The following WWOX variants were observed in gnomAD, a reference collection of about 807,000 sequenced individuals.
The protein encoded by WWOX is WW domain containing oxidoreductase.
WWOX carries 69 observed loss-of-function variants against 46.2 expected under a neutral mutation model. That is an observed-to-expected ratio of 1.49 (90% CI 1.23 to 1.82). The LOEUF (loss-of-function observed/expected upper bound fraction) is 1.82, where lower values mean the gene tolerates loss of function less well. Ranked by LOEUF, WWOX falls within the 40% of genes most tolerant of loss-of-function variation. The pLI is 0.00. For synonymous variants in WWOX, 359 were observed against 202.6 expected (o/e 1.77, Z -6.56); for missense variants, 919 against 542.6 (o/e 1.69, Z -6.89).
chr16:79,076,569 C>G (rs926420253), intron 8 of WWOX, among the ~76,000 whole-genome samples: 1 of 152,230 alleles, frequency 6.6e-6, no homozygotes, highest in Admixed American at 6.5e-5. Context: ...GCTCTGGCCT[C>G]TGGACCTCAG....
intron 8 of WWOX, among the ~76,000 whole-genome samples, chr16:78,938,357 C>T (rs1368188289): frequency 6.6e-6 from 1 of 152,146 alleles, no homozygotes; most frequent in Non-Finnish European, 1.5e-5. Context: ...CCGTGTATAC[C>T]ACTGACAGTG....
intron 8 of WWOX, among the ~76,000 whole-genome samples, chr16:78,567,667 G>A (rs1309761447): frequency 6.6e-6 from 1 of 151,928 alleles, no homozygotes; most frequent in Non-Finnish European, 1.5e-5. Context: ...GCGTAACTAG[G>A]GCAAAGAAGA....
At chr16:78,750,687 C>G (rs1052911626) in intron 8 of WWOX, among the ~76,000 whole-genome samples, 3 of 152,064 alleles carry the variant, frequency 2.0e-5, no homozygotes, top group African/African-American at 7.2e-5. Context: ...TTGTTCCTGT[C>G]TTCATGCCCA....
intron 8 of WWOX, among the ~76,000 whole-genome samples, chr16:78,715,952 A>G (rs993767529): frequency 7.2e-5 from 11 of 152,120 alleles, no homozygotes; most frequent in African/African-American, 1.9e-4. Context: ...AGGGCCTCTA[A>G]CCTAAATGTC....
chr16:78,207,269 C>T (rs190942559), intron 5 of WWOX, among the ~76,000 whole-genome samples: 3 of 152,292 alleles, frequency 2.0e-5, no homozygotes, highest in Admixed American at 2.0e-4. Context: ...GCTGTTTCCT[C>T]ATTTTTAAAT....
rs540386692 is a variant in WWOX, at chr16:78,424,985, C to G, written c.721C>G (p.Gln241Glu). The change falls in exon 7 of 9, where the codon CAG becomes GAG. Residue 241 changes from glutamine to glutamate, a missense_variant. Coordinates refer to ENST00000566780, the MANE Select transcript of WWOX (RefSeq NM_016373.4). Reference sequence around the variant, plus strand: ...TCATCTGGGGCACTTCTACCTTGTCCAGCTCCTCCAGGATGTTTTGTGCCG... The same window carrying G: ...TCATCTGGGGCACTTCTACCTTGTCGAGCTCCTCCAGGATGTTTTGTGCCG... ...VNHLGHFYLV[Q>E]LLQDVLCRSA... 6.8e-6 allele frequency: 11 copies of G among 1,614,118 alleles called. No homozygotes were observed. In the East Asian group the frequency reaches 2.5e-4, roughly 36 times the overall value.
intron 6 of WWOX, among the ~76,000 whole-genome samples, chr16:78,414,735 C>T (rs982373166): frequency 2.6e-5 from 4 of 152,148 alleles, no homozygotes; most frequent in Non-Finnish European, 5.9e-5. Context: ...CTCATCCTAA[C>T]GTGGTGGCCT....
chr16:78,401,752 T>A (rs540539257), intron 6 of WWOX, among the ~76,000 whole-genome samples: 39 of 152,114 alleles, frequency 2.6e-4, no homozygotes, highest in African/African-American at 9.4e-4. Context: ...CAGGCTGGAG[T>A]GTGATGGTGT....
chr16:78,225,245 G>T (rs2037013380), intron 5 of WWOX, among the ~76,000 whole-genome samples: 1 of 152,044 alleles, frequency 6.6e-6, no homozygotes, highest in Admixed American at 6.6e-5. Context: ...AATACAATGG[G>T]ACATATTTGT....
chr16:78,484,954 G>A (rs1350680654), intron 8 of WWOX, among the ~76,000 whole-genome samples: 2 of 152,106 alleles, frequency 1.3e-5, no homozygotes, highest in South Asian at 2.1e-4. Context: ...CTGTGTACCT[G>A]GCAAGGCACG....
intron 8 of WWOX, among the ~76,000 whole-genome samples, chr16:79,200,510 C>T (rs1362441902): frequency 6.6e-6 from 1 of 152,156 alleles, no homozygotes; most frequent in African/African-American, 2.4e-5. Context: ...TAGCCTCTGT[C>T]TCCCCTCCAC....
intron 6 of WWOX, among the ~76,000 whole-genome samples, chr16:78,401,328 C>T (rs894568833): frequency 6.6e-6 from 1 of 152,062 alleles, no homozygotes; most frequent in African/African-American, 2.4e-5. Flanking sequence ...AAATTTTGAA[C>T]CTAATATTTC....
rs1172583922 is a variant in WWOX at position 78,412,963 on chromosome 16, C to T, written c.606-11907C>T. On this transcript the variant is annotated intron_variant, in intron 6 of 8. Transcript: ENST00000566780. The stretch of plus-strand genomic sequence containing the variant: ...CCTCTTTGTTTTCTGCATTTCTTTC[C>T]TTCTGTTCTGATTTTTCCTTACCTG... Among the ~76,000 whole-genome samples the T allele has an allele frequency of 3.9e-5, 6 of 152,190 alleles. 1 individual carries two copies. The highest frequency in any genetic ancestry group is 1.4e-4 in the African/African-American group (6 of 41,516).
intron 8 of WWOX, among the ~76,000 whole-genome samples, chr16:78,954,178 ATGGATGGG>A (rs750386041): frequency 3.3e-5 from 5 of 152,106 alleles, no homozygotes; most frequent in Non-Finnish European, 5.9e-5. Flanking sequence ...TATTCTTTAG[ATGGATGGG>A]TGGATGGATG....
intron 5 of WWOX, among the ~76,000 whole-genome samples, chr16:78,253,099 A>G (rs2038029398): frequency 6.6e-6 from 1 of 152,186 alleles, no homozygotes; most frequent in African/African-American, 2.4e-5. Flanking sequence ...GAAAGTAAAG[A>G]TGAATTTGGC....
intron 5 of WWOX, among the ~76,000 whole-genome samples, chr16:78,315,965 G>T (rs912494104): frequency 6.6e-6 from 1 of 151,902 alleles, no homozygotes. Context: ...GGCACTGCAG[G>T]CCAGTTGCGG....
intron 8 of WWOX, among the ~76,000 whole-genome samples, chr16:78,687,278 A>G (rs888778745): frequency 3.9e-5 from 6 of 152,184 alleles, no homozygotes; most frequent in Non-Finnish European, 7.4e-5. Flanking sequence ...TAACATCTCC[A>G]TGTCGTAATT....
Position 78,432,657 on chromosome 16 carries a change from G to C in WWOX, c.961G>C (p.Val321Leu), listed in dbSNP as rs2081146962. 1.2e-6 allele frequency: 2 copies of C among 1,614,196 alleles called. No individual in the cohort carries two copies. Among genetic ancestry groups the C allele is most frequent in the East Asian group, 2.2e-5 (1 of 44,884 alleles). Reference sequence around the variant, plus strand: ...CCCACGCGGGGTCACGTCGAACGCAGTGCATCCTGGAAATATGATGTACTC... The same window carrying C: ...CCCACGCGGGGTCACGTCGAACGCACTGCATCCTGGAAATATGATGTACTC... ...LSPRGVTSNA[V>L]HPGNMMYSNI... is the part of the protein sequence containing the mutation. Residue 321 changes from valine to leucine, a missense_variant, in exon 8 of 9, where the codon GTG becomes CTG. Transcript: ENST00000566780.
chr16:78,305,875 TG>T (rs2080125552), intron 5 of WWOX, among the ~76,000 whole-genome samples: 1 of 152,144 alleles, frequency 6.6e-6, no homozygotes, highest in Non-Finnish European at 1.5e-5. Context: ...TTCTTTTTTT[TG>T]GTTGGAAGAA....
Sources: gnomAD v4.1 joint callset for allele counts (sites outside exome capture counted in the v4.1 genomes callset) on GRCh38, gnomAD v4.1.1 for gene constraint, MANE v1.5 for transcripts, NCBI Gene and HGNC (gene_info 2026-07-23, HGNC 2026-07-21) for gene names.